BANK1: variants seen among roughly 807,000 people sequenced by gnomAD.
The protein encoded by BANK1 is B cell scaffold protein with ankyrin repeats 1.
A neutral mutation model predicts 94.5 loss-of-function variants in BANK1; 95 were observed. The ratio of observed to expected loss-of-function variants is 1.00; its 90% confidence interval spans 0.85 to 1.19. The LOEUF (loss-of-function observed/expected upper bound fraction) is 1.19. Among genes scored for constraint, BANK1 ranks in the 50% most tolerant of loss-of-function variants. The probability of loss-of-function intolerance (pLI) is 0.00; values close to 1 mark genes in which losing one functional copy is unlikely to be tolerated. For synonymous variants in BANK1, 334 were observed against 308.4 expected (o/e 1.08, Z -0.87); for missense variants, 987 against 932.2 (o/e 1.06, Z -0.77).
At chr4:101,931,150 G>A (rs746925424) in intron 7 of BANK1, among the ~76,000 whole-genome samples, 1 of 151,504 alleles carries the variant, frequency 6.6e-6, no homozygotes, top group Non-Finnish European at 1.5e-5. Flanking sequence ...ACTCTCAAGA[G>A]TATTGTGATA....
chr4:101,816,223 G>C (rs1328701551), intron 1 of BANK1, among the ~76,000 whole-genome samples: 8 of 152,176 alleles, frequency 5.3e-5, no homozygotes. Context: ...AGAAACATGA[G>C]TTCAAGTCTA....
chr4:101,892,053 A>G (rs1721897065), intron 5 of BANK1, among the ~76,000 whole-genome samples: 1 of 151,864 alleles, frequency 6.6e-6, no homozygotes, highest in Non-Finnish European at 1.5e-5. Context: ...TCGTCCAGGT[A>G]CTTCATATAA....
intron 3 of BANK1, among the ~76,000 whole-genome samples, chr4:101,857,084 A>G (rs1315691323): frequency 6.6e-6 from 1 of 152,206 alleles, no homozygotes; most frequent in African/African-American, 2.4e-5. Flanking sequence ...GCCTATGTCA[A>G]CTGTCTGAAA....
chr4:101,840,610 A>G (rs1436500089), intron 2 of BANK1, among the ~76,000 whole-genome samples: 2 of 152,146 alleles, frequency 1.3e-5, no homozygotes, highest in Non-Finnish European at 2.9e-5. Context: ...CCATCCCTTT[A>G]TTTCAGCCCA....
intron 7 of BANK1, among the ~76,000 whole-genome samples, chr4:101,934,817 T>C (rs993835217): frequency 6.6e-6 from 1 of 151,586 alleles, no homozygotes; most frequent in South Asian, 2.1e-4. Flanking sequence ...GAGGAATTCT[T>C]TTGAATTTCA....
intron 2 of BANK1, among the ~76,000 whole-genome samples, chr4:101,854,075 A>G (rs949910403): frequency 3.9e-5 from 6 of 152,140 alleles, no homozygotes; most frequent in African/African-American, 1.2e-4. Context: ...CTTCCGGAAA[A>G]GCAAGGCATT....
chr4:102,021,043 A>T (rs990380613), intron 7 of BANK1, among the ~76,000 whole-genome samples: 21 of 152,294 alleles, frequency 1.4e-4, no homozygotes, highest in African/African-American at 4.6e-4. Context: ...AAGTACCCTT[A>T]CTGGATTTAT....
intron 6 of BANK1, among the ~76,000 whole-genome samples, chr4:101,896,194 AT>A (rs143692212): frequency 0.087 from 13,195 of 151,524 alleles, 848 homozygotes; most frequent in African/African-American, 0.18. Flanking sequence ...ATATTTTAGA[AT>A]TTTTTTTTGT....
intron 3 of BANK1, among the ~76,000 whole-genome samples, chr4:101,857,451 G>A (rs1438985791): frequency 6.6e-6 from 1 of 152,130 alleles, no homozygotes; most frequent in African/African-American, 2.4e-5. Flanking sequence ...GAATTGCTGA[G>A]GTCTATGGAC....
chr4:101,814,185 G>A (rs563099923), intron 1 of BANK1, among the ~76,000 whole-genome samples: 1 of 152,262 alleles, frequency 6.6e-6, no homozygotes, highest in Non-Finnish European at 1.5e-5. Context: ...AGTTAGTTAG[G>A]AGTGTATTTA....
intron 4 of BANK1, among the ~76,000 whole-genome samples, chr4:101,866,299 A>G (rs904388041): frequency 1.3e-5 from 2 of 152,160 alleles, no homozygotes; most frequent in Admixed American, 1.3e-4. Flanking sequence ...AACTTCCCAA[A>G]CTTAAATGGT....
chr4:101,839,800 G>A (rs10026335), intron 2 of BANK1, among the ~76,000 whole-genome samples: 3,875 of 151,896 alleles, frequency 0.026, 182 homozygotes, highest in African/African-American at 0.09. Context: ...TGGAATATGA[G>A]AAAGTGTGAT....
At chr4:101,813,853 A>G (rs1284357075) in intron 1 of BANK1, 3 of 985,340 alleles carry the variant, frequency 3.0e-6, no homozygotes, top group South Asian at 9.4e-5. Context: ...CAGAGGATGC[A>G]CACATCAGGA....
intron 6 of BANK1, among the ~76,000 whole-genome samples, chr4:101,904,074 G>A (rs1476997134): frequency 6.6e-6 from 1 of 152,222 alleles, no homozygotes; most frequent in Non-Finnish European, 1.5e-5. Flanking sequence ...ATGCCCTGTG[G>A]CAACACTTTC....
intron 2 of BANK1, among the ~76,000 whole-genome samples, chr4:101,848,367 C>T (rs548530228): frequency 6.6e-6 from 1 of 152,310 alleles, no homozygotes; most frequent in Non-Finnish European, 1.5e-5. Flanking sequence ...AGTCCTGCCT[C>T]CTCCTGTCCG....
intron 7 of BANK1, among the ~76,000 whole-genome samples, chr4:101,918,960 C>T (rs1722916142): frequency 6.6e-6 from 1 of 151,766 alleles, no homozygotes; most frequent in East Asian, 1.9e-4. Flanking sequence ...TAATAAACTA[C>T]TAATTTTTTG....
intron 7 of BANK1, among the ~76,000 whole-genome samples, chr4:101,928,190 A>G (rs879818121): frequency 2.6e-5 from 4 of 151,692 alleles, no homozygotes; most frequent in South Asian, 2.1e-4. Context: ...CATGAGCTCT[A>G]TGATACTTTG....
intron 7 of BANK1, among the ~76,000 whole-genome samples, chr4:101,928,882 C>T (rs915053778): frequency 1.3e-5 from 2 of 151,194 alleles, no homozygotes; most frequent in Admixed American, 1.3e-4. Context: ...ACTTTATGCA[C>T]ACCCTCTGGT....
chr4:101,988,346 C>A (rs983727555), intron 7 of BANK1, among the ~76,000 whole-genome samples: 2 of 152,040 alleles, frequency 1.3e-5, no homozygotes, highest in Admixed American at 1.3e-4. Flanking sequence ...CTGAAATTGC[C>A]TATAATTTCG....
Sources: allele counts gnomAD v4.1 joint callset (sites outside exome capture counted in the v4.1 genomes callset), GRCh38; gene constraint gnomAD v4.1.1; transcripts MANE v1.5; gene names NCBI Gene and HGNC (gene_info 2026-07-23, HGNC 2026-07-21).